The following KITLG variants were observed in gnomAD, a reference collection of about 807,000 sequenced individuals.
The protein encoded by KITLG is KIT ligand.
KITLG carries 13 observed loss-of-function variants against 34.1 expected under a neutral mutation model. That is an observed-to-expected ratio of 0.38 (90% CI 0.25 to 0.61). The LOEUF (loss-of-function observed/expected upper bound fraction) is 0.61, where lower values mean the gene tolerates loss of function less well. Ranked by LOEUF, KITLG falls within the 20% of genes least tolerant of loss-of-function variation. The probability of loss-of-function intolerance (pLI) is 0.60; values close to 1 mark genes in which losing one functional copy is unlikely to be tolerated. For missense variants in KITLG, 292 were observed against 318.9 expected (o/e 0.92, Z 0.64); for synonymous variants, 110 against 104.0 (o/e 1.06, Z -0.35).
intron 2 of KITLG, among the ~76,000 whole-genome samples, chr12:88,541,274 C>T (rs1870508589): frequency 6.6e-6 from 1 of 152,186 alleles, no homozygotes; most frequent in East Asian, 1.9e-4. Flanking sequence ...TGTTCTAATG[C>T]TATCTTACTA....
At chr12:88,499,523 C>T (rs1019395282) in intron 9 of KITLG, among the ~76,000 whole-genome samples, 1 of 152,184 alleles carries the variant, frequency 6.6e-6, no homozygotes, top group Non-Finnish European at 1.5e-5. Flanking sequence ...TTCAAGGTCT[C>T]AAATAAGATT....
chr12:88,549,652 G>A (rs564437098), intron 1 of KITLG, among the ~76,000 whole-genome samples: 2 of 152,286 alleles, frequency 1.3e-5, no homozygotes, highest in East Asian at 3.9e-4. Context: ...AGTTTAAGAT[G>A]TCTTTGAGAT....
In KITLG at chr12:88,506,341, A is replaced by G; in HGVS notation, c.752T>C (p.Ile251Thr). The G allele has an allele frequency of 6.2e-7, 1 of 1,610,640 alleles. No homozygotes were observed. Among genetic ancestry groups the G allele is most frequent in the Non-Finnish European group, 8.5e-7 (1 of 1,176,868 alleles). Residue 251 changes from isoleucine to threonine, a missense_variant, in exon 8 of 10, where the codon ATA becomes ACA. Coordinates refer to ENST00000644744, the MANE Select transcript of KITLG (RefSeq NM_000899.5). ...CTCATTATCCTCTTCATTAATTTGT[A>G]TATTTTCAACTGCCCTTGTAAGACT... is the stretch of plus-strand genomic sequence containing the variant. ...QPSLTRAVEN[I>T]QINEEDNEIS... is the part of the protein sequence containing the mutation.
At chr12:88,534,723 A>G (rs759941008) in intron 2 of KITLG, 1 of 513,856 alleles carries the variant, frequency 1.9e-6, no homozygotes, top group South Asian at 1.4e-5. Flanking sequence ...ATTTTTGTTC[A>G]TTTATTTTTG....
chr12:88,571,106 AT>A (rs962842547), intron 1 of KITLG, among the ~76,000 whole-genome samples: 2 of 152,156 alleles, frequency 1.3e-5, no homozygotes, highest in Non-Finnish European at 2.9e-5. Context: ...ATTGGTTTTA[AT>A]TTTTTTATTT....
At chr12:88,530,352 G>A (rs147018201) in intron 3 of KITLG, among the ~76,000 whole-genome samples, 4 of 152,190 alleles carry the variant, frequency 2.6e-5, no homozygotes, top group Non-Finnish European at 4.4e-5. Flanking sequence ...ATACTTTTGC[G>A]CTGTAAAGCT....
intron 1 of KITLG, among the ~76,000 whole-genome samples, chr12:88,548,454 CAAAA>C (rs67719813): frequency 6.8e-6 from 1 of 146,542 alleles, no homozygotes; most frequent in Admixed American, 6.7e-5. Context: ...ACTACATCAC[CAAAA>C]AAAAAAAAAG....
chr12:88,510,468 C>A (rs979243198), intron 6 of KITLG, among the ~76,000 whole-genome samples: 1 of 151,976 alleles, frequency 6.6e-6, no homozygotes, highest in African/African-American at 2.4e-5. Flanking sequence ...TCCATTTGAC[C>A]GAAGAGTCAA....
chr12:88,569,672 T>A (rs1302019282), intron 1 of KITLG, among the ~76,000 whole-genome samples: 1 of 152,172 alleles, frequency 6.6e-6, no homozygotes, highest in Non-Finnish European at 1.5e-5. Flanking sequence ...TTTTCGTTCT[T>A]AGGCAACCAA....
chr12:88,536,702 G>C (rs1262976465), intron 2 of KITLG, among the ~76,000 whole-genome samples: 2 of 152,154 alleles, frequency 1.3e-5, no homozygotes, highest in Non-Finnish European at 2.9e-5. Flanking sequence ...GATGAAGCTG[G>C]AAACAATCAT....
chr12:88,507,197 A>C, intron 6 of KITLG, 60 bp from the exon 7 acceptor site: 1 of 1,060,798 alleles, frequency 9.4e-7, no homozygotes, highest in South Asian at 1.3e-5. Context: ...TTTTGCTCTT[A>C]TGCTGTGGTT....
chr12:88,535,181 T>C (rs964414746), intron 2 of KITLG, among the ~76,000 whole-genome samples: 1 of 152,130 alleles, frequency 6.6e-6, no homozygotes, highest in African/African-American at 2.4e-5. Flanking sequence ...TCATGAATAA[T>C]TTATATACAA....
intron 6 of KITLG, among the ~76,000 whole-genome samples, chr12:88,511,948 C>T (rs1236778359): frequency 2.0e-5 from 3 of 152,046 alleles, no homozygotes; most frequent in Non-Finnish European, 4.4e-5. Flanking sequence ...TCTAAAGAAA[C>T]GCTATAGAAT....
intron 2 of KITLG, among the ~76,000 whole-genome samples, chr12:88,538,308 A>G (rs1268777509): frequency 1.3e-5 from 2 of 151,976 alleles, no homozygotes; most frequent in Non-Finnish European, 2.9e-5. Context: ...AATGGTAGGT[A>G]GTAAGGTACA....
At chr12:88,580,051 C>G (rs1871963389) in intron 1 of KITLG, 1 of 608,086 alleles carries the variant, frequency 1.6e-6, no homozygotes. Context: ...GACACTGGCT[C>G]CCTCTCAGCA....
intron 6 of KITLG, among the ~76,000 whole-genome samples, chr12:88,513,564 TAAAGG>T (rs1399754089): frequency 6.6e-6 from 1 of 151,388 alleles, no homozygotes; most frequent in African/African-American, 2.4e-5. Flanking sequence ...AGACTGAAAA[TAAAGG>T]AAAGCCAAAC....
chr12:88,571,944 TA>T (rs1020842803), intron 1 of KITLG, among the ~76,000 whole-genome samples: 48 of 152,250 alleles, frequency 3.2e-4, no homozygotes, highest in Non-Finnish European at 6.0e-4. Flanking sequence ...AAATGGGGTT[TA>T]AAAAAATAAT....
intron 1 of KITLG, among the ~76,000 whole-genome samples, chr12:88,551,911 A>G (rs1378955757): frequency 6.6e-6 from 1 of 152,070 alleles, no homozygotes; most frequent in Non-Finnish European, 1.5e-5. Flanking sequence ...AAAAATGGAG[A>G]CTATTTTCCA....
At chr12:88,543,557 T>C (rs945517038) in intron 2 of KITLG, among the ~76,000 whole-genome samples, 1 of 152,182 alleles carries the variant, frequency 6.6e-6, no homozygotes, top group Non-Finnish European at 1.5e-5. Flanking sequence ...CTATTGTGAA[T>C]AGAGGTACCC....
Sources: gnomAD v4.1 joint callset for allele counts (sites outside exome capture counted in the v4.1 genomes callset) on GRCh38, gnomAD v4.1.1 for gene constraint, MANE v1.5 for transcripts, NCBI Gene and HGNC (gene_info 2026-07-23, HGNC 2026-07-21) for gene names.